TTF2: variants seen among roughly 807,000 people sequenced by gnomAD.
The protein encoded by TTF2 is RNA polymerase II termination factor.
In TTF2, 108 loss-of-function variants were observed where a neutral mutation model predicts 142.4. The ratio of observed to expected loss-of-function variants is 0.76; its 90% confidence interval spans 0.65 to 0.89. The LOEUF (loss-of-function observed/expected upper bound fraction) is 0.89. TTF2 is among the 40% of genes least tolerant of loss of function. The pLI is 0.00. For missense variants in TTF2, 1,327 were observed against 1,379.8 expected (o/e 0.96, Z 0.61); for synonymous variants, 483 against 506.2 (o/e 0.95, Z 0.61).
At chr1:117,067,829 A>G (rs1656268596) in intron 3 of TTF2, among the ~76,000 whole-genome samples, 1 of 152,226 alleles carries the variant, frequency 6.6e-6, no homozygotes, top group Non-Finnish European at 1.5e-5. Flanking sequence ...TAATACTATT[A>G]TGTTTGGCTG....
At position 117,060,478 on chromosome 1, in the gene TTF2, G is replaced by C. The variant is rs1249507173; in HGVS notation, c.52G>C (p.Gly18Arg). ...EHGTFCFLKT[G>R]VRDGPNKGKS... The stretch of plus-strand genomic sequence containing the variant: ...AGGGACTTTCTGCTTTCTTAAGACC[G>C]GCGTCCGCGATGGCCCGAATAAAGG... The change falls in exon 2 of 23, where the codon GGC becomes CGC. Residue 18 changes from glycine to arginine, a missense_variant. Physicochemically the swap from Gly to Arg is moderately radical, Grantham distance 125. Transcript: ENST00000369466. 6.2e-7 allele frequency: 1 copy of C among 1,613,900 alleles called. No homozygotes were observed. Among genetic ancestry groups the C allele is most frequent in the Admixed American group, 1.7e-5 (1 of 59,996 alleles).
chr1:117,092,033 A>G lies in TTF2; in HGVS notation c.2805+83A>G. The G allele has an allele frequency of 7.1e-7, 1 of 1,409,824 alleles. No homozygotes were observed. Among genetic ancestry groups the G allele is most frequent in the South Asian group, 1.4e-5 (1 of 69,220 alleles). The allele number at this position is 1,409,824 out of a possible 1,614,324, so 87.3% of individuals were successfully genotyped here. A position where few individuals can be genotyped will look rare whatever the true frequency, so the allele number is the denominator to read the frequency against. On this transcript the variant is annotated intron_variant, in intron 17 of 22. Coordinates refer to ENST00000369466, the MANE Select transcript of TTF2 (RefSeq NM_003594.4). This position sits in a 1 kb window ranked among gnomAD's most constrained non-coding sequence, Gnocchi z 4.4. ...TCAATTTCACTCTCCTCCAACTGGAATCCAGTCTGCTTGATCAAAGGAAAT... is the reference window on the plus strand; with the variant it reads ...TCAATTTCACTCTCCTCCAACTGGAGTCCAGTCTGCTTGATCAAAGGAAAT...
Position 117,079,638 on chromosome 1 carries a change from G to A in TTF2, c.1772G>A (p.Gly591Glu). 6.2e-7 allele frequency: 1 copy of A among 1,614,224 alleles called. No individual in the cohort carries two copies. The highest frequency in any genetic ancestry group is 8.5e-7 in the Non-Finnish European group (1 of 1,180,024). ...TGGCGAGAAAGTCAGAAGCCACAAG[G>A]AGGAATTCTGGGTAAGTGTGGTATT... is the stretch of plus-strand genomic sequence containing the variant. The part of the protein sequence containing the change: ...LLWRESQKPQ[G>E]GILADDMGLG... Residue 591 changes from glycine to glutamate, a missense_variant, in exon 9 of 23, where the codon GGA becomes GAA. Coordinates refer to ENST00000369466, the MANE Select transcript of TTF2 (RefSeq NM_003594.4). The surrounding 1 kb of genome is among the most constrained non-coding windows in gnomAD (Gnocchi z 4.2).
chr1:117,092,965 C>T lies in TTF2; in HGVS notation c.2976+64C>T, dbSNP rs753875013. ...ATTCCTCACACATTTTCCTGTGTGA[C>T]AGCACTTCATTTGTCCAAGTGGGAA... On this transcript the variant is annotated intron_variant, in intron 18 of 22. Coordinates refer to ENST00000369466, the MANE Select transcript of TTF2 (RefSeq NM_003594.4). This position sits in a 1 kb window ranked among gnomAD's most constrained non-coding sequence, Gnocchi z 4.4. 1.8e-5 allele frequency: 29 copies of T among 1,570,902 alleles called. No individual in the cohort carries two copies. The highest frequency in any genetic ancestry group is 2.4e-5 in the Non-Finnish European group (28 of 1,148,656).
At position 117,100,346 on chromosome 1, in the gene TTF2, C is replaced by T. The variant is rs1306395095; in HGVS notation, c.3345-1034C>T. Among the ~76,000 whole-genome samples the T allele has an allele frequency of 6.6e-6, 1 of 152,182 alleles. No individual in the cohort carries two copies. Among genetic ancestry groups the T allele is most frequent in the Non-Finnish European group, 1.5e-5 (1 of 68,038 alleles). On this transcript the variant is annotated intron_variant, in intron 22 of 22. Transcript: ENST00000369466. This position sits in a 1 kb window ranked among gnomAD's most constrained non-coding sequence, Gnocchi z 4.6. ...TAAATGTTTCTGATAACCATTTCTT[C>T]CTTCCCATGCCCACTGCCAGGTCCC...
In TTF2 at chr1:117,073,755, C is replaced by G. The variant is rs759041776; in HGVS notation, c.285+28C>G. 23 of 1,605,568 alleles carry G rather than the reference C, an allele frequency of 1.4e-5. No individual in the cohort carries two copies. Among genetic ancestry groups the G allele is most frequent in the Non-Finnish European group, 2.0e-5 (23 of 1,173,634 alleles). ...AGGAATTATTCATCTGTTTTCAAAC[C>G]TGCTGTGTTAAGACTTTTAATATGC... On this transcript the variant is annotated intron_variant, in intron 4 of 22. Transcript: ENST00000369466. The surrounding 1 kb of genome is among the most constrained non-coding windows in gnomAD (Gnocchi z 4.4).
intron 3 of TTF2, among the ~76,000 whole-genome samples, chr1:117,067,233 T>C (rs976392219): frequency 1.1e-4 from 16 of 152,176 alleles, no homozygotes; most frequent in African/African-American, 2.9e-4. Context: ...ACTGGAGCTT[T>C]AAAAAGCTTG....
chr1:117,079,485 A>G lies in TTF2; in HGVS notation c.1702-83A>G, dbSNP rs532564331. On this transcript the variant is annotated intron_variant, in intron 8 of 22. Coordinates refer to ENST00000369466, the MANE Select transcript of TTF2 (RefSeq NM_003594.4). The surrounding 1 kb of genome is among the most constrained non-coding windows in gnomAD (Gnocchi z 4.2). ...GAGGGAATCATTTGTAGAAAATAGG[A>G]GAGTGTAGAGTTCGTGTAGCCAGGC... 14 of 1,248,224 alleles carry G rather than the reference A, an allele frequency of 1.1e-5. No individual in the cohort carries two copies. The highest frequency in any genetic ancestry group is 8.8e-5 in the African/African-American group (6 of 67,868). The allele number at this position is 1,248,224 out of a possible 1,614,324, so 77.3% of individuals were successfully genotyped here. A position where few individuals can be genotyped will look rare whatever the true frequency, so the allele number is the denominator to read the frequency against.
In TTF2 at chr1:117,097,705, C is replaced by T. The variant is rs552766997; in HGVS notation, c.3269+272C>T. Among the ~76,000 whole-genome samples the T allele has an allele frequency of 6.6e-6, 1 of 152,276 alleles. No individual in the cohort carries two copies. Among genetic ancestry groups the T allele is most frequent in the East Asian group, 1.9e-4 (1 of 5,184 alleles). On this transcript the variant is annotated intron_variant, in intron 21 of 22. Coordinates refer to ENST00000369466, the MANE Select transcript of TTF2 (RefSeq NM_003594.4). This position sits in a 1 kb window ranked among gnomAD's most constrained non-coding sequence, Gnocchi z 4.1. Reference sequence around the variant, plus strand: ...CATCTGTTTCCATGGAAACGGGGAGCATAGCTTTTCCTCATGGCTAAGAGT... The same window carrying T: ...CATCTGTTTCCATGGAAACGGGGAGTATAGCTTTTCCTCATGGCTAAGAGT...
intron 3 of TTF2, among the ~76,000 whole-genome samples, chr1:117,069,815 T>C (rs1444205789): frequency 1.3e-5 from 2 of 152,086 alleles, no homozygotes; most frequent in Admixed American, 6.5e-5. Context: ...TTTAGGAAAA[T>C]GGGAGGATTT....
Position 117,099,540 on chromosome 1 carries a change from G to A in TTF2, c.3344+633G>A, listed in dbSNP as rs1317934999. The stretch of plus-strand genomic sequence containing the variant: ...TTCATAAGTTTGTCTCCTTTGATCT[G>A]GAACAGTACCCAGTCTTTGTGTTTT... On this transcript the variant is annotated intron_variant, in intron 22 of 22. Coordinates refer to ENST00000369466, the MANE Select transcript of TTF2 (RefSeq NM_003594.4). This position sits in a 1 kb window ranked among gnomAD's most constrained non-coding sequence, Gnocchi z 4.3. Among the ~76,000 whole-genome samples the A allele has an allele frequency of 1.3e-5, 2 of 152,106 alleles. No individual in the cohort carries two copies. Among genetic ancestry groups the A allele is most frequent in the East Asian group, 3.8e-4 (2 of 5,196 alleles).
At chr1:117,066,100 G>A (rs575397962) in intron 3 of TTF2, among the ~76,000 whole-genome samples, 1 of 139,506 alleles carries the variant, frequency 7.2e-6, no homozygotes, top group East Asian at 2.1e-4. Flanking sequence ...GCCTCCCAAA[G>A]TACTGGGATT....
In TTF2 at chr1:117,063,491, C is replaced by A. The variant is rs1655845291; in HGVS notation, c.218+1018C>A. On this transcript the variant is annotated intron_variant, in intron 3 of 22. Transcript: ENST00000369466. The surrounding 1 kb of genome is among the most constrained non-coding windows in gnomAD (Gnocchi z 4.1). Reference sequence around the variant, plus strand: ...TCTTGAACGTTATATAAATGAAATCCTACTGCATGTACTCTTCTGTGTCTG... The same window carrying A: ...TCTTGAACGTTATATAAATGAAATCATACTGCATGTACTCTTCTGTGTCTG... 6.6e-6 allele frequency among the ~76,000 whole-genome samples: 1 copy of A among 152,108 alleles called. No individual in the cohort carries two copies. Among genetic ancestry groups the A allele is most frequent in the South Asian group, 2.1e-4 (1 of 4,836 alleles).
At position 117,075,570 on chromosome 1, in the gene TTF2, C is replaced by G; in HGVS notation, c.986C>G (p.Ala329Gly). Residue 329 changes from alanine to glycine, a missense_variant, in exon 5 of 23, where the codon GCG (alanine) becomes GGG (glycine). Physicochemically the swap from Ala to Gly is moderately conservative, Grantham distance 60. Transcript: ENST00000369466. The surrounding 1 kb of genome is among the most constrained non-coding windows in gnomAD (Gnocchi z 4.5). ...AGTGTGCCTGCTCCTGGAGGACCAG[C>G]GGCTCAGGCTGCACCAGCAGCACCA... The part of the protein sequence containing the change: ...THSVPAPGGP[A>G]AQAAPAAPGL... 6.2e-7 allele frequency: 1 copy of G among 1,614,160 alleles called. No homozygotes were observed. The highest frequency in any genetic ancestry group is 8.5e-7 in the Non-Finnish European group (1 of 1,180,024).
chr1:117,062,510 T>G (rs75059346), intron 3 of TTF2, 37 bp downstream of exon 3: 1 of 1,185,048 alleles, frequency 8.4e-7, no homozygotes, highest in South Asian at 1.7e-5. Flanking sequence ...TGTATTTGCT[T>G]TTTTTTTTTT....
chr1:117,095,631 T>C (rs1570880914), intron 19 of TTF2, among the ~76,000 whole-genome samples: 1 of 152,218 alleles, frequency 6.6e-6, no homozygotes. Flanking sequence ...GTGAGGAGGC[T>C]CCAGCAGTGC....
chr1:117,096,098 A>T, intron 19 of TTF2, 51 bp from the exon 20 acceptor site: 1 of 1,598,798 alleles, frequency 6.3e-7, no homozygotes, highest in South Asian at 1.1e-5. Context: ...CCTGCAGATG[A>T]GTCTGTTTAA....
rs10923205 is a variant in TTF2 at position 117,079,019 on chromosome 1, C to G, written c.1702-549C>G. Among the ~76,000 whole-genome samples the G allele has an allele frequency of 0.27, 40,606 of 152,014 alleles. 5,546 individuals are homozygous for G. The highest frequency in any genetic ancestry group is 0.29 in the Non-Finnish European group (19,456 of 67,978). On this transcript the variant is annotated intron_variant, in intron 8 of 22. Transcript: ENST00000369466. The surrounding 1 kb of genome is among the most constrained non-coding windows in gnomAD (Gnocchi z 4.2). ...CTTTCGGAGGCCGAGGCAGGCAGAT[C>G]ACTTGAGGCCAGGAGCTCAAGACTA...
At chr1:117,061,486 C>T (rs1655684109) in intron 2 of TTF2, among the ~76,000 whole-genome samples, 1 of 152,166 alleles carries the variant, frequency 6.6e-6, no homozygotes, top group Non-Finnish European at 1.5e-5. Context: ...TTATTTTTCT[C>T]CGTGTCAGAT....
Sources: allele counts gnomAD v4.1 joint callset (sites outside exome capture counted in the v4.1 genomes callset), GRCh38; gene constraint gnomAD v4.1.1; non-coding constraint Gnocchi (gnomAD v3.1); transcripts MANE v1.5; gene names NCBI Gene and HGNC (gene_info 2026-07-23, HGNC 2026-07-21).